PPP2R2B: variants seen among roughly 807,000 people sequenced by gnomAD.
The protein encoded by PPP2R2B is serine/threonine-protein phosphatase 2A 55 kDa regulatory subunit B beta isoform.
In PPP2R2B, 5 loss-of-function variants were observed where a neutral mutation model predicts 46.0. The observed-to-expected ratio is 0.11, with a 90% confidence interval of 0.06 to 0.23. The LOEUF (loss-of-function observed/expected upper bound fraction) is 0.23. Ranked by LOEUF, PPP2R2B falls within the 10% of genes least tolerant of loss-of-function variation. PPP2R2B has a pLI of 1.00. For missense variants in PPP2R2B, 367 were observed against 575.0 expected, an observed-to-expected ratio of 0.64 and a Z score of 3.70; for synonymous variants, 215 against 206.7, an observed-to-expected ratio of 1.04 and a Z score of -0.34.
intron 5 of PPP2R2B, among the ~76,000 whole-genome samples, chr5:146,653,944 G>T (rs971432290): frequency 4.6e-5 from 7 of 152,182 alleles, no homozygotes; most frequent in African/African-American, 1.7e-4. Flanking sequence ...CTCACAAGGA[G>T]AAAGAGGGAA....
chr5:146,986,117 T>C (rs1234569273), intron 1 of PPP2R2B, among the ~76,000 whole-genome samples: 1 of 151,912 alleles, frequency 6.6e-6, no homozygotes, highest in African/African-American at 2.4e-5. Flanking sequence ...AAGAGGCACA[T>C]TGGAGAGGGG....
At chr5:147,049,858 G>C (rs866263686) in intron 1 of PPP2R2B, among the ~76,000 whole-genome samples, 1 of 152,240 alleles carries the variant, frequency 6.6e-6, no homozygotes. Flanking sequence ...AATCAGAGGA[G>C]AGGTGGTGAC....
intron 2 of PPP2R2B, among the ~76,000 whole-genome samples, chr5:146,844,345 G>A (rs1443258549): frequency 1.6e-4 from 22 of 135,772 alleles, no homozygotes; most frequent in Non-Finnish European, 2.1e-4. Context: ...CTAAAACTTA[G>A]AGTATAATAA....
At chr5:146,605,673 G>C (rs1772195883) in intron 7 of PPP2R2B, among the ~76,000 whole-genome samples, 1 of 152,164 alleles carries the variant, frequency 6.6e-6, no homozygotes, top group South Asian at 2.1e-4. Flanking sequence ...TGTTCCCCAG[G>C]GGGCATGACT....
upstream of PPP2R2B, among the ~76,000 whole-genome samples, chr5:146,881,424 T>G (rs149580903): frequency 2.7e-3 from 414 of 152,314 alleles, 3 homozygotes; most frequent in African/African-American, 9.6e-3. Context: ...TTATTTATTT[T>G]ATTTTTCTGA....
rs955701626 is a variant in PPP2R2B, at chr5:147,081,374, C to G, written c.-146G>C. 5 of 1,388,756 alleles carry G rather than the reference C, an allele frequency of 3.6e-6. No homozygotes were observed. The South Asian group carries it at 6.2e-5, about 17-fold the overall frequency. The allele number at this position is 1,388,756 out of a possible 1,614,324, so 86.0% of individuals were successfully genotyped here. A position where few individuals can be genotyped will look rare whatever the true frequency, so the allele number is the denominator to read the frequency against. On this transcript the variant is annotated 5_prime_UTR_variant, in exon 1 of 11. Transcript: ENST00000394413. The stretch of plus-strand genomic sequence containing the variant: ...TCTCCTCCGTTTGACCAGGCCAGGA[C>G]CAGTTTGAACTGGAGCAATTGGAGT...
intron 1 of PPP2R2B, among the ~76,000 whole-genome samples, chr5:146,980,394 C>T (rs566066647): frequency 1.3e-5 from 2 of 152,224 alleles, no homozygotes; most frequent in East Asian, 3.9e-4. Context: ...ATACTTGAAC[C>T]TCTGTCTCCT....
At chr5:146,748,582 G>T (rs2151232201) in intron 2 of PPP2R2B, among the ~76,000 whole-genome samples, 1 of 152,336 alleles carries the variant, frequency 6.6e-6, no homozygotes, top group South Asian at 2.1e-4. Flanking sequence ...TAAAAATGGA[G>T]AACAGATTAG....
In PPP2R2B at chr5:146,589,064, CGG is replaced by C. The variant is rs1770330028; in HGVS notation, c.*881_*882del. On this transcript the variant is annotated 3_prime_UTR_variant, in exon 10 of 10. Transcript: ENST00000394411. ...CACCAGATAATAAGCACCCAGGACTCGGCCTTTAGAAGTCAATGGAATAAATA... is the reference window on the plus strand; with the variant it reads ...CACCAGATAATAAGCACCCAGGACTCCCTTTAGAAGTCAATGGAATAAATA... 6.6e-6 allele frequency: 1 copy of C among 152,076 alleles called. No individual in the cohort carries two copies. The highest frequency in any genetic ancestry group is 1.5e-5 in the Non-Finnish European group (1 of 68,062). 9.4% of individuals were successfully genotyped at this position (152,076 alleles called of 1,614,324 possible).
intron 1 of PPP2R2B, among the ~76,000 whole-genome samples, chr5:146,945,158 C>T (rs1764441430): frequency 6.6e-6 from 1 of 152,190 alleles, no homozygotes; most frequent in Non-Finnish European, 1.5e-5. Context: ...GTACTTCCTA[C>T]ACACTATACT....
chr5:146,630,995 T>G (rs897013696), intron 7 of PPP2R2B, among the ~76,000 whole-genome samples: 3 of 152,238 alleles, frequency 2.0e-5, no homozygotes, highest in African/African-American at 7.2e-5. Context: ...TGCTCAACTA[T>G]GTTGATTTGC....
At chr5:146,815,273 G>A (rs1757862601) in intron 2 of PPP2R2B, among the ~76,000 whole-genome samples, 1 of 152,108 alleles carries the variant, frequency 6.6e-6, no homozygotes, top group Non-Finnish European at 1.5e-5. Context: ...CATCATCACT[G>A]GTCTTAAGAC....
chr5:147,015,400 A>G lies in PPP2R2B; in HGVS notation c.79+40265T>C, dbSNP rs1029551544. ...CATCAATATTCTTTTGCTCCATTCA[A>G]ACTGATCTCCCTTGCTTTGCTTTGT... On this transcript the variant is annotated intron_variant, in intron 1 of 8. Transcript: ENST00000336640. 5.3e-5 allele frequency among the ~76,000 whole-genome samples: 8 copies of G among 151,704 alleles called. 2 individuals carry two copies. In the East Asian group the frequency reaches 1.7e-3, roughly 31 times the overall value.
At chr5:146,924,132 A>G (rs903398232) in intron 1 of PPP2R2B, among the ~76,000 whole-genome samples, 5 of 152,174 alleles carry the variant, frequency 3.3e-5, no homozygotes, top group Admixed American at 1.3e-4. Flanking sequence ...ACTAGGCTTA[A>G]TGCCTGGGAG....
At chr5:146,590,396 G>GTTTTTTTTTTTTTTTTTT (rs1561746835) in intron 9 of PPP2R2B, among the ~76,000 whole-genome samples, 170 bp from the exon 10 acceptor site, 2 of 125,764 alleles carry the variant, frequency 1.6e-5, no homozygotes, top group Non-Finnish European at 1.7e-5. Flanking sequence ...TTTTTTTTTT[G>GTTTTTTTTTTTTTTTTTT]TGTTTTTTTT....
intron 7 of PPP2R2B, among the ~76,000 whole-genome samples, chr5:146,600,748 T>A (rs936197487): frequency 4.6e-5 from 7 of 152,354 alleles, no homozygotes; most frequent in Non-Finnish European, 7.3e-5. Context: ...TCCCTTGGTA[T>A]CTGGGTGTCA....
intron 7 of PPP2R2B, among the ~76,000 whole-genome samples, chr5:146,601,428 T>C (rs1314464088): frequency 6.6e-6 from 1 of 152,108 alleles, no homozygotes; most frequent in African/African-American, 2.4e-5. Context: ...AAGATTCTAT[T>C]GCTATAAAAA....
intron 2 of PPP2R2B, among the ~76,000 whole-genome samples, chr5:146,714,731 A>G (rs1333257123): frequency 2.6e-5 from 4 of 152,180 alleles, no homozygotes; most frequent in Non-Finnish European, 5.9e-5. Flanking sequence ...AACATTTAGT[A>G]TTACAAGAAT....
At position 147,050,661 on chromosome 5, in the gene PPP2R2B, G is replaced by A. The variant is rs4705125; in HGVS notation, c.79+5004C>T. ...ATAACAGTGTTGACCTTATAGAATTGTTAGGGATAAACACACACACACACA... is the reference window on the plus strand; with the variant it reads ...ATAACAGTGTTGACCTTATAGAATTATTAGGGATAAACACACACACACACA... On this transcript the variant is annotated intron_variant, in intron 1 of 8. Coordinates refer to the PPP2R2B transcript ENST00000336640. Among the ~76,000 whole-genome samples, 821 of 100,866 alleles carry A rather than the reference G, an allele frequency of 8.1e-3. 4 individuals are homozygous for A. Among genetic ancestry groups the A allele is most frequent in the Non-Finnish European group, 0.015 (631 of 42,230 alleles). The allele number at this position is 100,866 out of a possible 152,430, so 66.2% of individuals were successfully genotyped here. A position where few individuals can be genotyped will look rare whatever the true frequency, so the allele number is the denominator to read the frequency against.
Sources: gnomAD v4.1 joint callset for allele counts (sites outside exome capture counted in the v4.1 genomes callset) on GRCh38, gnomAD v4.1.1 for gene constraint, MANE v1.5 for transcripts, NCBI Gene and HGNC (gene_info 2026-07-23, HGNC 2026-07-21) for gene names.